The following CLEC16A variants were observed in gnomAD, a reference collection of about 807,000 sequenced individuals.
CLEC16A encodes the protein C-type lectin domain containing 16A, also known as protein CLEC16A.
In CLEC16A, 51 loss-of-function variants were observed where a neutral mutation model predicts 109.5. The observed-to-expected ratio is 0.47, with a 90% CI of 0.37 to 0.59. The LOEUF (loss-of-function observed/expected upper bound fraction) is 0.59. Ranked by LOEUF, CLEC16A falls within the 20% of genes least tolerant of loss-of-function variation. CLEC16A has a pLI of 0.00. For synonymous variants in CLEC16A, 673 were observed against 564.2 expected, an observed-to-expected ratio of 1.19 and a Z score of -2.73; for missense variants, 1,339 against 1,394.0, an observed-to-expected ratio of 0.96 and a Z score of 0.63.
chr16:11,134,855 C>T (rs62026376), intron 22 of CLEC16A, among the ~76,000 whole-genome samples: 28,272 of 152,180 alleles, frequency 0.19, 3,348 homozygotes, highest in Non-Finnish European at 0.26. Context: ...TCAAGGGATG[C>T]CCCTGGTCTA....
chr16:11,129,722 G>T (rs1214785107), intron 22 of CLEC16A, among the ~76,000 whole-genome samples: 1 of 151,314 alleles, frequency 6.6e-6, no homozygotes, highest in Non-Finnish European at 1.5e-5. Context: ...TCAGCTCCTG[G>T]CTAGGGTTGT....
intron 10 of CLEC16A, among the ~76,000 whole-genome samples, chr16:10,998,890 G>A (rs1256683427): frequency 2.6e-5 from 4 of 152,182 alleles, no homozygotes; most frequent in African/African-American, 9.7e-5. Flanking sequence ...GAAGCAGGGT[G>A]ACCGGAGCAA....
chr16:11,025,260 G>A (rs1405371896), intron 13 of CLEC16A, among the ~76,000 whole-genome samples: 3 of 152,182 alleles, frequency 2.0e-5, no homozygotes, highest in Non-Finnish European at 2.9e-5. Flanking sequence ...CCTAACATCA[G>A]AACTGAAATC....
intron 19 of CLEC16A, among the ~76,000 whole-genome samples, chr16:11,090,307 C>T (rs1181909989): frequency 6.6e-6 from 1 of 152,120 alleles, no homozygotes; most frequent in African/African-American, 2.4e-5. Context: ...GTCAGAATTT[C>T]ACTTTGAAAT....
intron 22 of CLEC16A, chr16:11,156,482 C>G: frequency 1.5e-6 from 1 of 676,068 alleles, no homozygotes; most frequent in Admixed American, 2.5e-5. Flanking sequence ...CTGGTGCATT[C>G]CTGATTCTGC....
chr16:11,151,026 A>G (rs2054273267), intron 22 of CLEC16A, among the ~76,000 whole-genome samples: 1 of 152,214 alleles, frequency 6.6e-6, no homozygotes, highest in South Asian at 2.1e-4. Context: ...AACTAATTGC[A>G]TCTGTAAAAT....
chr16:11,073,748 T>C (rs955935095), intron 19 of CLEC16A, among the ~76,000 whole-genome samples: 2 of 152,226 alleles, frequency 1.3e-5, no homozygotes, highest in Admixed American at 1.3e-4. Flanking sequence ...ATTTCAGATG[T>C]GCGCTTACCG....
intron 19 of CLEC16A, among the ~76,000 whole-genome samples, chr16:11,076,806 A>T (rs750298494): frequency 6.6e-6 from 1 of 152,144 alleles, no homozygotes; most frequent in Non-Finnish European, 1.5e-5. Context: ...CCAGCCACTG[A>T]CCAGGTCCAC....
At chr16:10,963,565 G>T (rs947651986) in intron 3 of CLEC16A, among the ~76,000 whole-genome samples, 39 of 152,202 alleles carry the variant, frequency 2.6e-4, no homozygotes, top group Admixed American at 1.6e-3. Flanking sequence ...GCAGGCAAGG[G>T]TGTGTGCATT....
intron 19 of CLEC16A, among the ~76,000 whole-genome samples, chr16:11,084,348 G>A (rs1281687833): frequency 6.6e-6 from 1 of 152,150 alleles, no homozygotes; most frequent in East Asian, 1.9e-4. Flanking sequence ...TTTGGTTCAT[G>A]TGGGTACCAA....
intron 15 of CLEC16A, among the ~76,000 whole-genome samples, chr16:11,043,562 C>A (rs1292419597): frequency 6.6e-6 from 1 of 152,148 alleles, no homozygotes; most frequent in Non-Finnish European, 1.5e-5. Context: ...TCCTCTCTCT[C>A]TCATTAAGAA....
chr16:11,089,501 T>A (rs537780612), intron 19 of CLEC16A, among the ~76,000 whole-genome samples: 1 of 152,294 alleles, frequency 6.6e-6, no homozygotes, highest in South Asian at 2.1e-4. Flanking sequence ...GCTGTGAAAT[T>A]GCTCAAATTG....
intron 7 of CLEC16A, among the ~76,000 whole-genome samples, chr16:10,975,411 A>C (rs953890730): frequency 2.6e-5 from 4 of 152,186 alleles, no homozygotes; most frequent in Non-Finnish European, 4.4e-5. Flanking sequence ...ATGCTATTTG[A>C]GTTTTAAACC....
intron 2 of CLEC16A, among the ~76,000 whole-genome samples, chr16:10,959,571 TA>T (rs2042157836): frequency 1.4e-5 from 2 of 146,058 alleles, no homozygotes; most frequent in Non-Finnish European, 3.1e-5. Context: ...TTTGTATTTT[TA>T]GTAGAGATGG....
intron 19 of CLEC16A, among the ~76,000 whole-genome samples, chr16:11,104,955 T>C (rs1442694942): frequency 6.6e-6 from 1 of 152,220 alleles, no homozygotes; most frequent in Non-Finnish European, 1.5e-5. Context: ...GCTGGGCTGC[T>C]GAACAGCGGG....
intron 22 of CLEC16A, among the ~76,000 whole-genome samples, chr16:11,156,152 A>T (rs1369342532): frequency 1.3e-5 from 2 of 152,202 alleles, no homozygotes; most frequent in Non-Finnish European, 2.9e-5. Flanking sequence ...ACCTGAGGTC[A>T]GGAGTTTGAG....
chr16:11,016,284 A>G (rs1476079941), intron 11 of CLEC16A, among the ~76,000 whole-genome samples: 1 of 151,988 alleles, frequency 6.6e-6, no homozygotes, highest in African/African-American at 2.4e-5. Flanking sequence ...AAATGGCAGA[A>G]GGGAAAGAGA....
At chr16:11,090,142 G>GT (rs2050224379) in intron 19 of CLEC16A, among the ~76,000 whole-genome samples, 1 of 152,172 alleles carries the variant, frequency 6.6e-6, no homozygotes, top group Non-Finnish European at 1.5e-5. Flanking sequence ...CTGCATTCTG[G>GT]TTCCCTGGAA....
chr16:11,172,811 C>T (rs1434000226), intron 23 of CLEC16A, among the ~76,000 whole-genome samples: 2 of 152,150 alleles, frequency 1.3e-5, no homozygotes, highest in East Asian at 1.9e-4. Context: ...ATTGCTTGAA[C>T]CCGGGAGGCA....
Sources: gnomAD v4.1 joint callset for allele counts (sites outside exome capture counted in the v4.1 genomes callset) on GRCh38, gnomAD v4.1.1 for gene constraint, MANE v1.5 for transcripts, NCBI Gene and HGNC (gene_info 2026-07-23, HGNC 2026-07-21) for gene names.